Variants in ATP2C2 observed in about 807,000 individuals in gnomAD.
The protein encoded by ATP2C2 is ATPase secretory pathway Ca2+ transporting 2.
A neutral mutation model predicts 110.8 loss-of-function variants in ATP2C2; 171 were observed. That is an observed-to-expected ratio of 1.54 (90% confidence interval 1.36 to 1.75). The LOEUF is 1.75. ATP2C2 is among the 40% of genes most tolerant of loss of function. The pLI is 0.00. For missense variants in ATP2C2, 1,963 were observed against 1,235.0 expected (o/e 1.59, Z -8.84); for synonymous variants, 804 against 508.4 (o/e 1.58, Z -7.82).
At chr16:84,446,287 C>G (rs1909740249) in intron 15 of ATP2C2, 42 bp from the exon 16 acceptor site, 2 of 1,243,618 alleles carry the variant, frequency 1.6e-6, no homozygotes. Context: ...TAGAGATTGG[C>G]TTCGGATGAC....
chr16:84,452,802 C>CT (rs1797725749), intron 18 of ATP2C2, among the ~76,000 whole-genome samples: 1 of 152,014 alleles, frequency 6.6e-6, no homozygotes, highest in Admixed American at 6.6e-5. Context: ...CCCAGCCCCT[C>CT]TAGTTACTAT....
Position 84,392,424 on chromosome 16 carries a change from T to G in ATP2C2, c.100-6075T>G, listed in dbSNP as rs191046783. Among the ~76,000 whole-genome samples the G allele has an allele frequency of 4.2e-3, 640 of 152,244 alleles. 4 individuals are homozygous for G. Among genetic ancestry groups the G allele is most frequent in the South Asian group, 0.014 (66 of 4,818 alleles). The stretch of plus-strand genomic sequence containing the variant: ...AGTGAGGTCCCAGCCTGCACTTGGC[T>G]GGGGTCTCTGATGGTTCTCTGCGTC... On this transcript the variant is annotated intron_variant, in intron 1 of 26. Transcript: ENST00000262429.
chr16:84,394,002 CAA>C (rs202138049), intron 1 of ATP2C2, among the ~76,000 whole-genome samples: 16 of 117,512 alleles, frequency 1.4e-4, no homozygotes, highest in African/African-American at 3.3e-4. Context: ...TTAAAAATAC[CAA>C]AAAAAATAAA....
chr16:84,396,328 C>T (rs185593056), intron 1 of ATP2C2, among the ~76,000 whole-genome samples: 17 of 151,998 alleles, frequency 1.1e-4, no homozygotes, highest in African/African-American at 3.6e-4. Flanking sequence ...GGCAGATCAC[C>T]TGAGGTCAGA....
chr16:84,437,514 G>T (rs1484215002), intron 11 of ATP2C2, among the ~76,000 whole-genome samples: 4 of 151,802 alleles, frequency 2.6e-5, no homozygotes, highest in African/African-American at 9.7e-5. Context: ...CCTGGCCTTA[G>T]AACATTTTCT....
At chr16:84,419,798 C>G (rs1907167993) in intron 7 of ATP2C2, among the ~76,000 whole-genome samples, 1 of 152,128 alleles carries the variant, frequency 6.6e-6, no homozygotes, top group Non-Finnish European at 1.5e-5. Flanking sequence ...GTTTATAGCC[C>G]AGAGTGACAG....
intron 1 of ATP2C2, among the ~76,000 whole-genome samples, chr16:84,383,695 A>G (rs550831212): frequency 6.8e-6 from 1 of 147,558 alleles, no homozygotes; most frequent in East Asian, 2.0e-4. Flanking sequence ...CCATTTAGAC[A>G]TAAATTGCAG....
intron 1 of ATP2C2, among the ~76,000 whole-genome samples, chr16:84,378,533 C>T (rs537127537): frequency 3.6e-4 from 55 of 152,148 alleles, no homozygotes; most frequent in Non-Finnish European, 7.1e-4. Context: ...ACGCCTCCCT[C>T]AGTGAATGTT....
At chr16:84,436,989 C>T (rs186544306) in intron 11 of ATP2C2, among the ~76,000 whole-genome samples, 62 of 151,924 alleles carry the variant, frequency 4.1e-4, no homozygotes, top group African/African-American at 1.2e-3. Context: ...GTCGAACTCC[C>T]GACCTCAGGT....
intron 1 of ATP2C2, among the ~76,000 whole-genome samples, chr16:84,395,514 A>T (rs980172562): frequency 2.0e-5 from 3 of 149,770 alleles, no homozygotes; most frequent in Non-Finnish European, 4.4e-5. Flanking sequence ...GCTGGAGTGC[A>T]GTGGCATGAT....
rs553870251 is a variant in ATP2C2, at chr16:84,400,337, T to G, written c.210+1728T>G. Among the ~76,000 whole-genome samples the G allele has an allele frequency of 7.5e-3, 1,047 of 139,302 alleles. 14 individuals carry two copies. Among genetic ancestry groups the G allele is most frequent in the Non-Finnish European group, 0.012 (725 of 60,768 alleles). The allele number at this position is 139,302 out of a possible 152,430, so 91.4% of individuals were successfully genotyped here. A position where few individuals can be genotyped will look rare whatever the true frequency, so the allele number is the denominator to read the frequency against. Reference sequence around the variant, plus strand: ...TGTATTTTTAGTTTTTTGTTGTTTTTTTTTTTTGAGATGGAGTCTCACTCT... The same window carrying G: ...TGTATTTTTAGTTTTTTGTTGTTTTGTTTTTTTGAGATGGAGTCTCACTCT... On this transcript the variant is annotated intron_variant, in intron 2 of 26. Transcript: ENST00000262429.
intron 17 of ATP2C2, 111 bp downstream of exon 17, chr16:84,448,800 G>T: frequency 1.4e-6 from 2 of 1,411,588 alleles, no homozygotes. Context: ...CAAGGAGTCA[G>T]GCAGCATGCT....
chr16:84,398,918 C>T (rs142644664), intron 2 of ATP2C2, among the ~76,000 whole-genome samples: 5 of 152,318 alleles, frequency 3.3e-5, no homozygotes, highest in Non-Finnish European at 7.3e-5. Context: ...GAAGTTGAGA[C>T]ACAGAAAGTA....
chr16:84,387,031 T>C (rs1332909852), intron 1 of ATP2C2, among the ~76,000 whole-genome samples: 1 of 152,194 alleles, frequency 6.6e-6, no homozygotes, highest in Admixed American at 6.5e-5. Context: ...GCCACTCACC[T>C]GTGGGCAGTG....
At chr16:84,453,078 G>T in intron 18 of ATP2C2, 60 bp from the exon 19 acceptor site, 1 of 1,519,224 alleles carries the variant, frequency 6.6e-7, no homozygotes, top group South Asian at 1.2e-5. Flanking sequence ...AGGTGGGGCC[G>T]GGAGTGAGGG....
At chr16:84,463,468 G>T (rs1169693577) in intron 26 of ATP2C2, 146 bp from the exon 27 acceptor site, 2 of 683,554 alleles carry the variant, frequency 2.9e-6, no homozygotes, top group African/African-American at 1.8e-5. Flanking sequence ...TCTGGGTTAG[G>T]AAGATCTCCC....
rs6564033 is a variant in ATP2C2, at chr16:84,398,417, C to G, written c.100-82C>G. On this transcript the variant is annotated intron_variant, in intron 1 of 26. Transcript: ENST00000262429. ...TGAGACTCCATCTCAAAAAAATAAACTAATAAAAATAAAAAATAAATTTAA... is the reference window on the plus strand; with the variant it reads ...TGAGACTCCATCTCAAAAAAATAAAGTAATAAAAATAAAAAATAAATTTAA... The G allele has an allele frequency of 4.8e-4, 404 of 836,108 alleles. 3 individuals carry two copies. The African/African-American group carries it at 6.7e-3, about 14-fold the overall frequency. The allele number at this position is 836,108 out of a possible 1,614,324, so 51.8% of individuals were successfully genotyped here.
intron 2 of ATP2C2, among the ~76,000 whole-genome samples, chr16:84,402,124 C>G (rs985644075): frequency 2.0e-5 from 3 of 151,670 alleles, no homozygotes. Context: ...TTGCAGATTG[C>G]TTTCTCTTAG....
At chr16:84,439,617 TA>T in intron 13 of ATP2C2, 93 bp downstream of exon 13, 2 of 1,215,516 alleles carry the variant, frequency 1.6e-6, no homozygotes. Flanking sequence ...TAGAACACAA[TA>T]AGGAAGAAAT....
Sources: gnomAD v4.1 joint callset for allele counts (sites outside exome capture counted in the v4.1 genomes callset) on GRCh38, gnomAD v4.1.1 for gene constraint, MANE v1.5 for transcripts, NCBI Gene and HGNC (gene_info 2026-07-23, HGNC 2026-07-21) for gene names.